The following DPYSL4 variants were observed in gnomAD, a reference collection of about 807,000 sequenced individuals.
The protein encoded by DPYSL4 is dihydropyrimidinase-related protein 4.
In DPYSL4, 43 loss-of-function variants were observed where a neutral mutation model predicts 63.4. The observed-to-expected ratio is 0.68, with a 90% CI of 0.53 to 0.88. The LOEUF (loss-of-function observed/expected upper bound fraction) is 0.88, where lower values mean the gene tolerates loss of function less well. Among genes scored for constraint, DPYSL4 ranks in the 40% least tolerant of loss-of-function variants. The pLI, the probability that DPYSL4 is intolerant of heterozygous loss-of-function variation, is 0.00. For missense variants in DPYSL4, 733 were observed against 819.5 expected (o/e 0.89, Z 1.29); for synonymous variants, 353 against 331.7 (o/e 1.06, Z -0.70).
rs915411503 is a variant in DPYSL4 at position 132,202,209 on chromosome 10, G to A, written c.1281+93G>A. 75 of 1,488,436 alleles carry A rather than the reference G, an allele frequency of 5.0e-5. 1 individual carries two copies. In the East Asian group the frequency reaches 1.3e-3, roughly 25 times the overall value. The allele number at this position is 1,488,436 out of a possible 1,614,324, so 92.2% of individuals were successfully genotyped here. A position where few individuals can be genotyped will look rare whatever the true frequency, so the allele number is the denominator to read the frequency against. On this transcript the variant is annotated intron_variant, in intron 11 of 13. Transcript: ENST00000338492. Reference sequence around the variant, plus strand: ...GGAGAGGCGCAGGACAGAGGCCCACGTGGCAGCAGCAGTGGCCTCAGCCAT... The same window carrying A: ...GGAGAGGCGCAGGACAGAGGCCCACATGGCAGCAGCAGTGGCCTCAGCCAT...
intron 1 of DPYSL4, among the ~76,000 whole-genome samples, chr10:132,188,908 C>T (rs542338089): frequency 3.9e-5 from 6 of 152,336 alleles, no homozygotes; most frequent in Non-Finnish European, 4.4e-5. Context: ...TGGCCTGTGG[C>T]ATAGTCTGCC....
intron 11 of DPYSL4, 34 bp downstream of exon 11, chr10:132,202,150 T>C: frequency 1.3e-6 from 2 of 1,597,246 alleles, no homozygotes; most frequent in Admixed American, 1.7e-5. Flanking sequence ...AGGGTTGGCC[T>C]TTGTGGGGCC....
At chr10:132,191,787 C>A (rs71512282) in intron 2 of DPYSL4, among the ~76,000 whole-genome samples, 6 of 72,474 alleles carry the variant, frequency 8.3e-5, no homozygotes, top group African/African-American at 2.0e-4. Context: ...CAGGCAGGTG[C>A]AAATAGTTCC....
rs543514135 is a variant in DPYSL4, at chr10:132,201,233, C to T, written c.1110+250C>T. Among the ~76,000 whole-genome samples the T allele has an allele frequency of 5.9e-5, 9 of 152,252 alleles. No individual in the cohort carries two copies. In the South Asian group the frequency reaches 8.3e-4, roughly 14 times the overall value. On this transcript the variant is annotated intron_variant, in intron 10 of 13. Transcript: ENST00000338492. Reference sequence around the variant, plus strand: ...CCCCTCAGCAGACTCTAGTGTTGCCCGGACACTGTGTTTGCCCAGGGGTCA... The same window carrying T: ...CCCCTCAGCAGACTCTAGTGTTGCCTGGACACTGTGTTTGCCCAGGGGTCA...
chr10:132,189,133 G>A (rs2061841114), intron 1 of DPYSL4, among the ~76,000 whole-genome samples: 1 of 152,218 alleles, frequency 6.6e-6, no homozygotes, highest in Non-Finnish European at 1.5e-5. Flanking sequence ...CTAGGGCCCT[G>A]GCCACCTATG....
chr10:132,191,838 T>C (rs71512284), intron 2 of DPYSL4, among the ~76,000 whole-genome samples: 2,525 of 57,986 alleles, frequency 0.044, 166 homozygotes, highest in African/African-American at 0.13. Context: ...ATCCAGGCAG[T>C]TGAAAGTATG....
intron 2 of DPYSL4, chr10:132,192,338 T>G: frequency 9.8e-7 from 1 of 1,022,556 alleles, no homozygotes; most frequent in Non-Finnish European, 1.2e-6. Flanking sequence ...GGTGCCCACA[T>G]CTATTAGCGC....
intron 10 of DPYSL4, among the ~76,000 whole-genome samples, chr10:132,201,317 G>A (rs988408302): frequency 6.6e-6 from 1 of 152,064 alleles, no homozygotes; most frequent in Non-Finnish European, 1.5e-5. Flanking sequence ...ACGACCCGTC[G>A]CACACCGCCC....
chr10:132,199,173 C>T (rs565057114), intron 8 of DPYSL4, among the ~76,000 whole-genome samples: 1 of 152,282 alleles, frequency 6.6e-6, no homozygotes, highest in South Asian at 2.1e-4. Flanking sequence ...CTTGCTGGAG[C>T]AGCAGCTGCT....
intron 10 of DPYSL4, 121 bp downstream of exon 10, chr10:132,201,104 G>A (rs1029197265): frequency 8.6e-6 from 12 of 1,397,390 alleles, no homozygotes; most frequent in African/African-American, 2.9e-5. Flanking sequence ...CAGAGCACAC[G>A]GGCTCCGGGG....
chr10:132,197,209 C>T lies in DPYSL4; in HGVS notation c.621+108C>T, dbSNP rs565870212. On this transcript the variant is annotated intron_variant, in intron 6 of 13. Coordinates refer to ENST00000338492, the MANE Select transcript of DPYSL4 (RefSeq NM_006426.3). The stretch of plus-strand genomic sequence containing the variant: ...GAGGGTGACTTTCATGATACGCAGA[C>T]ATCAGCACAGAATCCCACAAAACCT... The T allele has an allele frequency of 9.2e-6, 9 of 981,776 alleles. No homozygotes were observed. In the South Asian group the frequency reaches 1.2e-4, roughly 13 times the overall value. The allele number at this position is 981,776 out of a possible 1,614,324, so 60.8% of individuals were successfully genotyped here.
chr10:132,188,224 C>G, intron 1 of DPYSL4, among the ~76,000 whole-genome samples: 1 of 152,162 alleles, frequency 6.6e-6, no homozygotes, highest in Middle Eastern at 3.2e-3. Context: ...AGCTGCTTCC[C>G]GGGAACTTTC....
intron 12 of DPYSL4, 67 bp downstream of exon 12, chr10:132,202,892 G>A (rs3736258): frequency 0.5 from 749,774 of 1,507,392 alleles, 194,930 homozygotes; most frequent in Admixed American, 0.6. Context: ...GGCCCAGAAC[G>A]CACCCCTGGT....
At chr10:132,203,630 G>A in intron 12 of DPYSL4, 132 bp from the exon 13 acceptor site, 1 of 838,470 alleles carries the variant, frequency 1.2e-6, no homozygotes, top group Non-Finnish European at 1.8e-6. Flanking sequence ...TCCTGAAGCT[G>A]GCACTGGAGA....
In DPYSL4 at chr10:132,205,028, G is replaced by T. The variant is rs573896683; in HGVS notation, c.*98G>T. 559 of 1,026,094 alleles carry T rather than the reference G, an allele frequency of 5.4e-4. No individual in the cohort carries two copies. The highest frequency in any genetic ancestry group is 1.3e-3 in the South Asian group (70 of 52,442). The allele number at this position is 1,026,094 out of a possible 1,614,324, so 63.6% of individuals were successfully genotyped here. The stretch of plus-strand genomic sequence containing the variant: ...CTCCTTAGCATTTTCTTTTGTAGAA[G>T]TTTCTCGAAGGTGCTTGGCGGTCTT... On this transcript the variant is annotated 3_prime_UTR_variant, in exon 14 of 14. Coordinates refer to ENST00000338492, the MANE Select transcript of DPYSL4 (RefSeq NM_006426.3).
chr10:132,186,994 T>TCCGCCCCCCCC lies in DPYSL4; in HGVS notation c.-68_-67insGCCCCCCCCCC. 4.1e-5 allele frequency: 9 copies of TCCGCCCCCCCC among 217,372 alleles called. 2 individuals carry two copies. Among genetic ancestry groups the TCCGCCCCCCCC allele is most frequent in the South Asian group, 1.5e-4 (2 of 13,406 alleles). The allele number at this position is 217,372 out of a possible 1,614,324, so 13.5% of individuals were successfully genotyped here. A position where few individuals can be genotyped will look rare whatever the true frequency, so the allele number is the denominator to read the frequency against. ...CCACGCACGCGTCCCGGCTCACGCG[T>TCCGCCCCCCCC]CCCCCCGCCCGCCCGCCCGCCCGCC... On this transcript the variant is annotated 5_prime_UTR_variant, in exon 1 of 14. Coordinates refer to ENST00000338492, the MANE Select transcript of DPYSL4 (RefSeq NM_006426.3).
At position 132,204,969 on chromosome 10, in the gene DPYSL4, C is replaced by T. The variant is rs745908634; in HGVS notation, c.*39C>T. The T allele has an allele frequency of 7.1e-6, 11 of 1,545,378 alleles. No individual in the cohort carries two copies. The Admixed American group carries it at 2.2e-4, about 31-fold the overall frequency. ...GCCCTGTGAGCCGTGCTGGCCCCAC[C>T]CGAGGCCGCGGGGGCCCCAGGGCAC... On this transcript the variant is annotated 3_prime_UTR_variant, in exon 14 of 14. Transcript: ENST00000338492.
At chr10:132,200,144 T>C (rs2061993638) in intron 8 of DPYSL4, among the ~76,000 whole-genome samples, 1 of 152,138 alleles carries the variant, frequency 6.6e-6, no homozygotes, top group Non-Finnish European at 1.5e-5. Context: ...CCAGACTCCC[T>C]TTCCCAGAAG....
intron 11 of DPYSL4, among the ~76,000 whole-genome samples, 197 bp downstream of exon 11, chr10:132,202,313 T>C (rs993926999): frequency 6.6e-6 from 1 of 152,248 alleles, no homozygotes; most frequent in Non-Finnish European, 1.5e-5. Flanking sequence ...GCGTGGCCGC[T>C]GCATCTGTGG....
Sources: allele counts gnomAD v4.1 joint callset (sites outside exome capture counted in the v4.1 genomes callset), GRCh38; gene constraint gnomAD v4.1.1; transcripts MANE v1.5; gene names NCBI Gene and HGNC (gene_info 2026-07-23, HGNC 2026-07-21).